The following C3orf85 variants were observed in gnomAD, a reference collection of about 807,000 sequenced individuals.
The protein encoded by C3orf85 is uncharacterized protein C3orf85.
Under a neutral mutation model 1.7 loss-of-function variants are expected in C3orf85, and 1 was observed. The ratio of observed to expected loss-of-function variants is 0.60; its 90% confidence interval spans 0.21 to 2.86. The LOEUF is 2.86. C3orf85 is among the 30% of genes most tolerant of loss of function. The pLI is 0.22. For missense variants in C3orf85, 29 were observed against 21.3 expected (o/e 1.36, Z -0.72); for synonymous variants, 17 against 8.0 (o/e 2.13, Z -1.90).
intron 2 of C3orf85, among the ~76,000 whole-genome samples, chr3:109,142,628 T>G (rs1706753422): frequency 6.6e-6 from 1 of 152,098 alleles, no homozygotes; most frequent in African/African-American, 2.4e-5. Flanking sequence ...CATTGAAGGT[T>G]ACATATGGGA....
intron 2 of C3orf85, 81 bp downstream of exon 2, chr3:109,136,977 G>A: frequency 2.5e-6 from 1 of 400,196 alleles, no homozygotes; most frequent in Non-Finnish European, 4.4e-6. Flanking sequence ...TTAAAGAAAT[G>A]AACAAACACG....
intron 2 of C3orf85, among the ~76,000 whole-genome samples, chr3:109,137,239 C>T (rs1338230546): frequency 6.6e-6 from 1 of 151,828 alleles, no homozygotes; most frequent in African/African-American, 2.4e-5. Context: ...AACATAGTAC[C>T]ATTATATGAA....
intron 2 of C3orf85, among the ~76,000 whole-genome samples, chr3:109,144,482 C>T (rs147797968): frequency 4.4e-4 from 67 of 152,192 alleles, no homozygotes; most frequent in Middle Eastern, 3.4e-3. Context: ...GGATGCCTGT[C>T]GGGCTTATAA....
intron 2 of C3orf85, 119 bp from the exon 3 acceptor site, chr3:109,148,132 CAG>C (rs1706820479): frequency 1.6e-6 from 1 of 606,526 alleles, no homozygotes; most frequent in Non-Finnish European, 2.9e-6. Flanking sequence ...TTAGCTTTTC[CAG>C]AGTTTCCTCC....
In C3orf85 at chr3:109,136,905, C is replaced by A; in HGVS notation, c.49+9C>A. The A allele has an allele frequency of 2.4e-6, 1 of 416,122 alleles. No homozygotes were observed. The highest frequency in any genetic ancestry group is 4.3e-6 in the Non-Finnish European group (1 of 233,054). The allele number at this position is 416,122 out of a possible 1,614,324, so 25.8% of individuals were successfully genotyped here. A position where few individuals can be genotyped will look rare whatever the true frequency, so the allele number is the denominator to read the frequency against. ...CTCAACATTGCTTATCGGTAAGAGCCTATTTCTTTTTTATTTATCATGTCT... is the reference window on the plus strand; with the variant it reads ...CTCAACATTGCTTATCGGTAAGAGCATATTTCTTTTTTATTTATCATGTCT... On this transcript the variant is annotated intron_variant, in intron 2 of 3. Transcript: ENST00000622536.
chr3:109,145,290 C>T (rs1408614940), intron 2 of C3orf85, among the ~76,000 whole-genome samples: 2 of 152,066 alleles, frequency 1.3e-5, no homozygotes, highest in Non-Finnish European at 2.9e-5. Context: ...TAAAGTATTA[C>T]TCAGTCTTAA....
intron 3 of C3orf85, 78 bp from the exon 4 acceptor site, chr3:109,149,727 G>T: frequency 2.5e-6 from 1 of 396,794 alleles, no homozygotes; most frequent in Non-Finnish European, 4.5e-6. Flanking sequence ...AGGAATATCT[G>T]TATGATAATC....
At chr3:109,147,302 T>G (rs1336138261) in intron 2 of C3orf85, among the ~76,000 whole-genome samples, 3 of 152,128 alleles carry the variant, frequency 2.0e-5, no homozygotes, top group African/African-American at 7.2e-5. Context: ...GAGAGCCCCA[T>G]AGAGGGGAAT....
Position 109,149,948 on chromosome 3 carries a change from A to G in C3orf85, c.*54A>G. 2.5e-6 allele frequency: 1 copy of G among 397,442 alleles called. No homozygotes were observed. The highest frequency in any genetic ancestry group is 4.4e-6 in the Non-Finnish European group (1 of 224,938). The allele number at this position is 397,442 out of a possible 1,614,324, so 24.6% of individuals were successfully genotyped here. A position where few individuals can be genotyped will look rare whatever the true frequency, so the allele number is the denominator to read the frequency against. On this transcript the variant is annotated 3_prime_UTR_variant, in exon 4 of 4. Coordinates refer to ENST00000622536, the MANE Select transcript of C3orf85 (RefSeq NM_001351622.2). ...TGAAGATGGCAGAGGTTGGAATGGC[A>G]TTGTGCCAAAACCATGGGTTTTAGA... is the stretch of plus-strand genomic sequence containing the variant.
At chr3:109,141,459 T>C (rs1343338836) in intron 2 of C3orf85, among the ~76,000 whole-genome samples, 3 of 152,198 alleles carry the variant, frequency 2.0e-5, no homozygotes, top group East Asian at 3.9e-4. Flanking sequence ...TTCATTTTTC[T>C]ATCTTTCCTT....
intron 2 of C3orf85, among the ~76,000 whole-genome samples, chr3:109,147,095 C>T (rs1706808417): frequency 6.6e-6 from 1 of 152,144 alleles, no homozygotes; most frequent in Non-Finnish European, 1.5e-5. Context: ...AAATGTTTCT[C>T]CTTCTCCCAT....
chr3:109,142,415 G>A (rs577444221), intron 2 of C3orf85, among the ~76,000 whole-genome samples: 4 of 152,184 alleles, frequency 2.6e-5, no homozygotes, highest in East Asian at 1.9e-4. Context: ...CATCCCATAC[G>A]TAAATATCTT....
intron 2 of C3orf85, among the ~76,000 whole-genome samples, chr3:109,138,403 A>T (rs2107831924): frequency 6.6e-6 from 1 of 152,308 alleles, no homozygotes; most frequent in African/African-American, 2.4e-5. Flanking sequence ...GGTTTAGCTG[A>T]CAGTTTCTAC....
At chr3:109,146,734 A>T (rs1706803126) in intron 2 of C3orf85, among the ~76,000 whole-genome samples, 1 of 152,140 alleles carries the variant, frequency 6.6e-6, no homozygotes, top group African/African-American at 2.4e-5. Context: ...AATGTCTTTT[A>T]TATCCTAGCC....
Position 109,148,306 on chromosome 3 carries a change from C to T in C3orf85, c.103C>T (p.Leu35Phe). 1 of 702,740 alleles carries T rather than the reference C, an allele frequency of 1.4e-6. No individual in the cohort carries two copies. The highest frequency in any genetic ancestry group is 2.6e-6 in the Non-Finnish European group (1 of 384,798). The allele number at this position is 702,740 out of a possible 1,614,324, so 43.5% of individuals were successfully genotyped here. Residue 35 changes from leucine (L) to phenylalanine (F), a missense_variant, in exon 3 of 4, where the codon CTC (leucine) becomes TTC (phenylalanine). Transcript: ENST00000622536. ...LEDPANQFLR[L>F]KRHVNLQDYW... Reference sequence around the variant, plus strand: ...AGACCCTGCAAACCAGTTCCTACGTCTCAAAAGACATGTAAATTTGCAGGA... The same window carrying T: ...AGACCCTGCAAACCAGTTCCTACGTTTCAAAAGACATGTAAATTTGCAGGA...
intron 2 of C3orf85, among the ~76,000 whole-genome samples, chr3:109,141,353 A>C (rs989311113): frequency 6.6e-6 from 1 of 151,780 alleles, no homozygotes; most frequent in Non-Finnish European, 1.5e-5. Context: ...ACCCCTCTCC[A>C]TTTTTTCCAG....
intron 2 of C3orf85, among the ~76,000 whole-genome samples, chr3:109,140,057 T>G (rs1023475632): frequency 6.6e-6 from 1 of 152,214 alleles, no homozygotes; most frequent in African/African-American, 2.4e-5. Context: ...TCCTTAGAGA[T>G]TCTGTATTCT....
intron 2 of C3orf85, among the ~76,000 whole-genome samples, chr3:109,147,052 A>AG: frequency 6.6e-6 from 1 of 152,010 alleles, no homozygotes; most frequent in African/African-American, 2.4e-5. Context: ...AAGATACTGA[A>AG]ACACATCATT....
At chr3:109,140,746 A>G (rs1200837157) in intron 2 of C3orf85, among the ~76,000 whole-genome samples, 2 of 152,218 alleles carry the variant, frequency 1.3e-5, no homozygotes, top group Admixed American at 6.5e-5. Context: ...CACCAGCTCC[A>G]AAAACATGTC....
Sources: gnomAD v4.1 joint callset for allele counts (sites outside exome capture counted in the v4.1 genomes callset) on GRCh38, gnomAD v4.1.1 for gene constraint, MANE v1.5 for transcripts, NCBI Gene and HGNC (gene_info 2026-07-23, HGNC 2026-07-21) for gene names.